Variants in LRP1B observed in about 807,000 individuals in gnomAD.
LRP1B encodes the protein LDL receptor related protein 1B, also known as low-density lipoprotein receptor-related protein 1B.
LRP1B carries 217 observed loss-of-function variants against 556.6 expected under a neutral mutation model. The ratio of observed to expected loss-of-function variants is 0.39; its 90% confidence interval spans 0.35 to 0.44. The LOEUF is 0.44. Ranked by LOEUF, LRP1B falls within the 20% of genes least tolerant of loss-of-function variation. LRP1B has a pLI of 1.00. For synonymous variants in LRP1B, 2,047 were observed against 1,865.8 expected (o/e 1.10, Z -2.50); for missense variants, 5,053 against 5,620.8 (o/e 0.90, Z 3.23).
At chr2:140,796,087 C>A (rs1225952846) in intron 32 of LRP1B, among the ~76,000 whole-genome samples, 1 of 151,918 alleles carries the variant, frequency 6.6e-6, no homozygotes, top group African/African-American at 2.4e-5. Context: ...GTCTATCTTT[C>A]TATGTACATA....
chr2:141,221,472 C>T (rs1360802156), intron 6 of LRP1B, among the ~76,000 whole-genome samples: 1 of 152,084 alleles, frequency 6.6e-6, no homozygotes, highest in African/African-American at 2.4e-5. Context: ...GACTTTAACA[C>T]CCCACTGTCA....
chr2:140,279,048 G>A (rs1407864620), intron 84 of LRP1B, among the ~76,000 whole-genome samples: 3 of 151,898 alleles, frequency 2.0e-5, no homozygotes, highest in African/African-American at 7.2e-5. Flanking sequence ...CGACGTTTAT[G>A]TAATGTCTTT....
intron 3 of LRP1B, among the ~76,000 whole-genome samples, chr2:141,330,380 T>C (rs1687595065): frequency 6.6e-6 from 1 of 152,204 alleles, no homozygotes; most frequent in Admixed American, 6.5e-5. Context: ...AATGAGGTCA[T>C]CATAGTATTC....
chr2:141,592,380 C>A (rs1687372563), intron 2 of LRP1B, among the ~76,000 whole-genome samples: 1 of 152,142 alleles, frequency 6.6e-6, no homozygotes. Flanking sequence ...ATAGGTGGCA[C>A]TGTCTTGGTG....
At chr2:141,279,921 C>T (rs932883124) in intron 3 of LRP1B, among the ~76,000 whole-genome samples, 1 of 152,034 alleles carries the variant, frequency 6.6e-6, no homozygotes, top group Admixed American at 6.6e-5. Flanking sequence ...AATCAGTTTC[C>T]ATTAGCAATT....
intron 23 of LRP1B, chr2:140,898,371 C>A (rs1337538174): frequency 1.3e-5 from 2 of 159,182 alleles, no homozygotes; most frequent in East Asian, 1.9e-4. Context: ...GCTTCCCCTG[C>A]TGAACCATCT....
chr2:141,830,363 C>T (rs1697072224), intron 1 of LRP1B, among the ~76,000 whole-genome samples: 1 of 151,806 alleles, frequency 6.6e-6, no homozygotes, highest in African/African-American at 2.4e-5. Flanking sequence ...CTATACGAAG[C>T]AATTTTTAGC....
Position 141,478,350 on chromosome 2 carries a change from C to T in LRP1B, c.343+2046G>A, listed in dbSNP as rs954346831. 2.6e-5 allele frequency among the ~76,000 whole-genome samples: 4 copies of T among 152,046 alleles called. No individual in the cohort carries two copies. The East Asian group carries it at 7.7e-4, about 29-fold the overall frequency. On this transcript the variant is annotated intron_variant, in intron 3 of 90. Transcript: ENST00000389484. ...GGTGATGGTTTTGTTCTTTTAAAAGCTTAGTCATACATATCTATCTGAAAA... is the reference window on the plus strand; with the variant it reads ...GGTGATGGTTTTGTTCTTTTAAAAGTTTAGTCATACATATCTATCTGAAAA...
intron 7 of LRP1B, among the ~76,000 whole-genome samples, chr2:141,165,217 G>C (rs1462202302): frequency 6.6e-6 from 1 of 151,964 alleles, no homozygotes. Context: ...AGAAACTTCA[G>C]AAATCATCAG....
chr2:141,967,956 TA>T (rs952558147), intron 1 of LRP1B, among the ~76,000 whole-genome samples: 3 of 151,904 alleles, frequency 2.0e-5, no homozygotes, highest in East Asian at 1.9e-4. Flanking sequence ...CTTAAATTTT[TA>T]AAAAAAGTAT....
intron 66 of LRP1B, among the ~76,000 whole-genome samples, chr2:140,429,217 ACAG>A (rs1685803362): frequency 6.6e-6 from 1 of 152,086 alleles, no homozygotes; most frequent in African/African-American, 2.4e-5. Flanking sequence ...AACTCTCCTT[ACAG>A]TTCCCCCATT....
At chr2:140,583,107 G>A (rs1681836898) in intron 43 of LRP1B, among the ~76,000 whole-genome samples, 1 of 150,510 alleles carries the variant, frequency 6.6e-6, no homozygotes, top group African/African-American at 2.4e-5. Context: ...GCATCTTCAT[G>A]GAAATATTAG....
At chr2:142,115,673 A>T (rs1457873821) in intron 1 of LRP1B, among the ~76,000 whole-genome samples, 1 of 3,412 alleles carries the variant, frequency 2.9e-4, no homozygotes, top group African/African-American at 5.8e-4. Context: ...ATATATATGT[A>T]ATATATATAT....
At chr2:141,834,780 G>A (rs536336207) in intron 1 of LRP1B, among the ~76,000 whole-genome samples, 4 of 151,876 alleles carry the variant, frequency 2.6e-5, no homozygotes, top group Admixed American at 6.6e-5. Context: ...CAGTGACTAC[G>A]ATGAAGAAAA....
At chr2:140,327,998 A>T (rs1680583582) in intron 79 of LRP1B, among the ~76,000 whole-genome samples, 1 of 152,090 alleles carries the variant, frequency 6.6e-6, no homozygotes. Flanking sequence ...TAAATTAAAA[A>T]GTTAATAAAG....
intron 7 of LRP1B, among the ~76,000 whole-genome samples, chr2:141,170,113 A>C (rs1028087539): frequency 6.6e-6 from 1 of 152,242 alleles, no homozygotes; most frequent in East Asian, 1.9e-4. Context: ...GATAGATATG[A>C]TAACAAACTC....
At chr2:140,610,841 G>A (rs1307274578) in intron 41 of LRP1B, among the ~76,000 whole-genome samples, 1 of 152,220 alleles carries the variant, frequency 6.6e-6, no homozygotes, top group Non-Finnish European at 1.5e-5. Flanking sequence ...AATGTGCCGG[G>A]ATTACAGGCG....
chr2:140,621,937 G>A (rs1683472650), intron 41 of LRP1B, among the ~76,000 whole-genome samples: 1 of 152,168 alleles, frequency 6.6e-6, no homozygotes, highest in Non-Finnish European at 1.5e-5. Context: ...TAGCTATTCA[G>A]TTTTATTCAG....
chr2:141,102,061 A>G (rs1392238344), intron 7 of LRP1B, among the ~76,000 whole-genome samples: 3 of 152,176 alleles, frequency 2.0e-5, no homozygotes, highest in South Asian at 2.1e-4. Flanking sequence ...GAAAGAATGT[A>G]TATAGAAATC....
Sources: gnomAD v4.1 joint callset for allele counts (sites outside exome capture counted in the v4.1 genomes callset) on GRCh38, gnomAD v4.1.1 for gene constraint, MANE v1.5 for transcripts, NCBI Gene and HGNC (gene_info 2026-07-23, HGNC 2026-07-21) for gene names.